The following SEL1L3 variants were observed in gnomAD, a reference collection of about 807,000 sequenced individuals.
SEL1L3 encodes the protein protein sel-1 homolog 3.
SEL1L3 carries 76 observed loss-of-function variants against 142.8 expected under a neutral mutation model. The observed-to-expected ratio is 0.53, with a 90% CI of 0.44 to 0.64. The LOEUF (loss-of-function observed/expected upper bound fraction) is 0.64. Ranked by LOEUF, SEL1L3 falls within the 30% of genes least tolerant of loss-of-function variation. The pLI is 0.00. For missense variants in SEL1L3, 1,262 were observed against 1,381.7 expected (o/e 0.91, Z 1.37); for synonymous variants, 504 against 519.6 (o/e 0.97, Z 0.41).
downstream of SEL1L3, among the ~76,000 whole-genome samples, chr4:25,745,238 T>C (rs1717223727): frequency 6.6e-6 from 1 of 151,538 alleles, no homozygotes; most frequent in African/African-American, 2.4e-5. Context: ...TTATGAAAAA[T>C]ACAAAAATTA....
intron 23 of SEL1L3, among the ~76,000 whole-genome samples, chr4:25,750,105 G>C (rs766080215): frequency 6.6e-6 from 1 of 151,850 alleles, no homozygotes; most frequent in Non-Finnish European, 1.5e-5. Context: ...GTGGTGGCAC[G>C]TGCCTGTAAT....
chr4:25,790,818 G>GGGAAGGAA (rs543019082), intron 11 of SEL1L3, among the ~76,000 whole-genome samples: 1 of 140,078 alleles, frequency 7.1e-6, no homozygotes, highest in Non-Finnish European at 1.6e-5. Context: ...GAAGAAAGGA[G>GGGAAGGAA]GGAAGGAAGG....
chr4:25,844,040 G>A (rs1196976012), intron 2 of SEL1L3, among the ~76,000 whole-genome samples: 3 of 152,228 alleles, frequency 2.0e-5, no homozygotes, highest in Non-Finnish European at 4.4e-5. Context: ...GGCCATCGTA[G>A]GACACCAGGC....
At position 25,779,166 on chromosome 4, in the gene SEL1L3, C is replaced by T; in HGVS notation, c.2495G>A (p.Gly832Asp). Reference protein sequence around the residue: ...AGEYFHKAAQGGHMEGTLWCS... With the variant: ...AGEYFHKAAQDGHMEGTLWCS... ...CCACAAGGTCCCTTCCATGTGTCCA[C>T]CTTGCGCAGCCTTATGGAAATATTC... The change falls in exon 16 of 24, where the codon GGT becomes GAT. Residue 832 changes from glycine (G) to aspartate (D), a missense_variant. Around this residue, in one of 3 missense-constraint regions of SEL1L3, gnomAD observed 435 missense variants for 559.2 expected, o/e 0.78. Coordinates refer to ENST00000399878, the MANE Select transcript of SEL1L3 (RefSeq NM_015187.5). 1 of 1,613,668 alleles carries T rather than the reference C, an allele frequency of 6.2e-7. No individual in the cohort carries two copies. The highest frequency in any genetic ancestry group is 8.5e-7 in the Non-Finnish European group (1 of 1,179,650).
intron 23 of SEL1L3, among the ~76,000 whole-genome samples, chr4:25,752,233 A>G (rs1400223149): frequency 6.6e-6 from 1 of 151,728 alleles, no homozygotes; most frequent in Non-Finnish European, 1.5e-5. Context: ...CACAGCCAAC[A>G]TGGTGAAACC....
rs17855083 is a variant in SEL1L3, at chr4:25,748,515, C to T, written c.3309G>A (p.Thr1103=). Residue 1103 remains threonine, a synonymous_variant, in exon 24 of 24, where the codon ACG becomes ACA. Transcript: ENST00000399878. The part of the protein sequence containing the change: ...RPSQASPDTA[T]STASPAVTPA... The stretch of plus-strand genomic sequence containing the variant: ...GAGTCACAGCTGGACTTGCAGTGGA[C>T]GTGGCAGTGTCTGGGGAGGCCTGGG... 1.1e-3 allele frequency: 1,799 copies of T among 1,611,572 alleles called. 1 individual carries two copies. The highest frequency in any genetic ancestry group is 1.4e-3 in the Non-Finnish European group (1,659 of 1,179,088).
chr4:25,847,146 T>C, intron 2 of SEL1L3, 148 bp downstream of exon 2: 1 of 660,384 alleles, frequency 1.5e-6, no homozygotes, highest in Non-Finnish European at 2.6e-6. Flanking sequence ...CCTTTTGTCT[T>C]CAAACTCCAA....
chr4:25,781,172 T>C (rs1719975695), intron 15 of SEL1L3, among the ~76,000 whole-genome samples: 1 of 152,136 alleles, frequency 6.6e-6, no homozygotes, highest in African/African-American at 2.4e-5. Flanking sequence ...GTTCTCTGCA[T>C]AGCACTGATC....
At chr4:25,854,306 C>T (rs1717097056) in intron 1 of SEL1L3, among the ~76,000 whole-genome samples, 1 of 152,130 alleles carries the variant, frequency 6.6e-6, no homozygotes, top group African/African-American at 2.4e-5. Flanking sequence ...GAGACTGAGT[C>T]TCCCTCTATC....
At chr4:25,804,980 T>C (rs1366121174) in intron 9 of SEL1L3, among the ~76,000 whole-genome samples, 1 of 152,186 alleles carries the variant, frequency 6.6e-6, no homozygotes. Context: ...CCTAGTATCC[T>C]GGGGAAATGA....
At chr4:25,724,456 A>C in the SEL1L3 span, among the ~76,000 whole-genome samples, 1 of 151,656 alleles carries the variant, frequency 6.6e-6, no homozygotes, top group African/African-American at 2.4e-5. Context: ...GAAAAGAAAA[A>C]AAAGGCCAGG....
Position 25,819,829 on chromosome 4 carries a change from C to T in SEL1L3, c.1402G>A (p.Gly468Arg), listed in dbSNP as rs773292219. 2.1e-5 allele frequency: 34 copies of T among 1,612,294 alleles called. No homozygotes were observed. Among genetic ancestry groups the T allele is most frequent in the Admixed American group, 5.0e-5 (3 of 59,726 alleles). Reference protein sequence around the residue: ...VSVYASAAKHGGERQEACHLH... With the variant: ...VSVYASAAKHRGERQEACHLH... Reference sequence around the variant, plus strand: ...TTACATGCTTCTTGTCTCTCGCCCCCGTGCTTTGCTGCAGATGCATACACA... The same window carrying T: ...TTACATGCTTCTTGTCTCTCGCCCCTGTGCTTTGCTGCAGATGCATACACA... The change falls in exon 8 of 24, where the codon GGG becomes AGG. Residue 468 changes from glycine (G) to arginine (R), a missense_variant. By Grantham distance (125) the Gly-to-Arg change is moderately radical. This residue lies in a region of SEL1L3 where 689 missense variants were observed against 692.8 expected (regional missense o/e 0.99). Coordinates refer to ENST00000399878, the MANE Select transcript of SEL1L3 (RefSeq NM_015187.5).
chr4:25,763,802 C>A (rs529537790), intron 20 of SEL1L3, among the ~76,000 whole-genome samples: 1 of 152,284 alleles, frequency 6.6e-6, no homozygotes, highest in South Asian at 2.1e-4. Flanking sequence ...TGTGCCACTG[C>A]ATTTCAGCCT....
intron 1 of SEL1L3, among the ~76,000 whole-genome samples, chr4:25,850,806 G>T (rs567944044): frequency 1.0e-3 from 152 of 151,870 alleles, no homozygotes; most frequent in Admixed American, 2.7e-3. Flanking sequence ...TTTCTGTCTG[G>T]TTTTTTTGTT....
chr4:25,841,294 A>G (rs954027465), intron 2 of SEL1L3, among the ~76,000 whole-genome samples: 3 of 152,168 alleles, frequency 2.0e-5, no homozygotes, highest in African/African-American at 7.2e-5. Context: ...TCAGCCTCCC[A>G]AAGTGCTGGG....
chr4:25,741,565 A>G, the SEL1L3 span, among the ~76,000 whole-genome samples: 2 of 152,004 alleles, frequency 1.3e-5, no homozygotes, highest in Admixed American at 6.6e-5. Context: ...TATTTTTTCT[A>G]CGAGGTTCTG....
At chr4:25,745,639 C>T (rs1207217560), downstream of SEL1L3, among the ~76,000 whole-genome samples, 1 of 152,186 alleles carries the variant, frequency 6.6e-6, no homozygotes, top group African/African-American at 2.4e-5. Flanking sequence ...GTGCCCACTG[C>T]AGCATTCATT....
intron 9 of SEL1L3, among the ~76,000 whole-genome samples, chr4:25,813,080 CT>C (rs1714142340): frequency 1.3e-5 from 2 of 152,152 alleles, no homozygotes; most frequent in Non-Finnish European, 2.9e-5. Context: ...AATTGGAACC[CT>C]TGTGCACCGT....
chr4:25,734,857 C>T, the SEL1L3 span, among the ~76,000 whole-genome samples: 4 of 152,280 alleles, frequency 2.6e-5, no homozygotes, highest in South Asian at 6.2e-4. Context: ...GTGTCAGCCA[C>T]GATGCCCAGC....
Sources: allele counts gnomAD v4.1 joint callset (sites outside exome capture counted in the v4.1 genomes callset), GRCh38; gene constraint gnomAD v4.1.1; regional missense constraint gnomAD v4.1.1; transcripts MANE v1.5; gene names NCBI Gene and HGNC (gene_info 2026-07-23, HGNC 2026-07-21).